The following CNTN1 variants were observed in gnomAD, a reference collection of about 807,000 sequenced individuals.
CNTN1 encodes the protein contactin-1.
In CNTN1, 38 loss-of-function variants were observed where a neutral mutation model predicts 126.4. The observed-to-expected ratio is 0.30, with a 90% CI of 0.23 to 0.39. The LOEUF (loss-of-function observed/expected upper bound fraction) is 0.39, where lower values mean the gene tolerates loss of function less well. CNTN1 is among the 10% of genes least tolerant of loss of function. The pLI is 1.00. For missense variants in CNTN1, 1,009 were observed against 1,248.4 expected, an observed-to-expected ratio of 0.81 and a Z score of 2.89; for synonymous variants, 413 against 422.6, an observed-to-expected ratio of 0.98 and a Z score of 0.28.
chr12:40,968,118 G>A (rs998510082), intron 15 of CNTN1, among the ~76,000 whole-genome samples: 13 of 151,906 alleles, frequency 8.6e-5, no homozygotes, highest in African/African-American at 3.1e-4. Context: ...ATCACTAAAG[G>A]TCACAAAGCT....
chr12:41,051,967 TCTCTGTG>T (rs1949697473), intron 23 of CNTN1, among the ~76,000 whole-genome samples: 1 of 151,148 alleles, frequency 6.6e-6, no homozygotes, highest in South Asian at 2.1e-4. Flanking sequence ...AATAATCCAT[TCTCTGTG>T]AGCAGTGTAG....
At position 40,933,836 on chromosome 12, in the gene CNTN1, A is replaced by G; in HGVS notation, c.943A>G (p.Ile315Val). Reference protein sequence around the residue: ...EGIYECEAENIRGKDKHQARI... With the variant: ...EGIYECEAENVRGKDKHQARI... ...CATCTATGAATGTGAGGCTGAGAAC[A>G]TTAGAGGAAAGGATAAACATCAAGC... is the stretch of plus-strand genomic sequence containing the variant. Residue 315 changes from isoleucine (I) to valine (V), a missense_variant, in exon 9 of 24, where the codon ATT becomes GTT. Ile to Val is a conservative substitution (Grantham distance 29). Coordinates refer to ENST00000551295, the MANE Select transcript of CNTN1 (RefSeq NM_001843.4). 6.2e-7 allele frequency: 1 copy of G among 1,612,562 alleles called. No individual in the cohort carries two copies. The highest frequency in any genetic ancestry group is 8.5e-7 in the Non-Finnish European group (1 of 1,178,928).
intron 1 of CNTN1, among the ~76,000 whole-genome samples, chr12:40,880,524 AGG>A (rs2136695706): frequency 6.6e-6 from 1 of 152,170 alleles, no homozygotes; most frequent in South Asian, 2.1e-4. Context: ...AATGCTAGAA[AGG>A]AGAGATTTTA....
intron 23 of CNTN1, among the ~76,000 whole-genome samples, chr12:41,036,115 A>G (rs1001816151): frequency 6.6e-6 from 1 of 152,184 alleles, no homozygotes; most frequent in African/African-American, 2.4e-5. Flanking sequence ...TTTATAGGCT[A>G]CTGTAGGTTT....
intron 15 of CNTN1, among the ~76,000 whole-genome samples, chr12:40,965,983 ACACACCTCAT>A (rs1333626248): frequency 2.3e-4 from 34 of 148,790 alleles, no homozygotes; most frequent in African/African-American, 7.3e-4. Context: ...GTGTAAGTAT[ACACACCTCAT>A]CACACCACAC....
chr12:40,730,336 T>G (rs372991452), intron 1 of CNTN1, among the ~76,000 whole-genome samples: 59 of 152,324 alleles, frequency 3.9e-4, no homozygotes, highest in African/African-American at 1.4e-3. Flanking sequence ...AGGGCATACC[T>G]TGGAGATTCT....
chr12:40,739,232 C>A (rs1230485646), intron 1 of CNTN1, among the ~76,000 whole-genome samples: 1 of 151,984 alleles, frequency 6.6e-6, no homozygotes, highest in Non-Finnish European at 1.5e-5. Flanking sequence ...TAATGAAAAA[C>A]TGCATTTCAA....
intron 1 of CNTN1, among the ~76,000 whole-genome samples, chr12:40,739,564 T>G (rs532793209): frequency 1.8e-4 from 27 of 152,156 alleles, no homozygotes; most frequent in African/African-American, 6.5e-4. Context: ...AAATTCAAAC[T>G]TAACAGGGAG....
chr12:40,830,122 C>G (rs1941757392), intron 1 of CNTN1, among the ~76,000 whole-genome samples: 1 of 152,094 alleles, frequency 6.6e-6, no homozygotes, highest in Non-Finnish European at 1.5e-5. Context: ...TGTCTTCTTT[C>G]TAGTCTCAAC....
intron 1 of CNTN1, among the ~76,000 whole-genome samples, chr12:40,843,472 T>C (rs58321893): frequency 1.3e-5 from 2 of 152,182 alleles, no homozygotes; most frequent in African/African-American, 2.4e-5. Flanking sequence ...TCAGACTCCA[T>C]GGAAACAATA....
intron 1 of CNTN1, among the ~76,000 whole-genome samples, chr12:40,827,432 C>G (rs1226060087): frequency 6.6e-6 from 1 of 150,858 alleles, no homozygotes; most frequent in African/African-American, 2.4e-5. Context: ...TGGTAAAAAT[C>G]TCCATATTTT....
intron 23 of CNTN1, among the ~76,000 whole-genome samples, chr12:41,063,133 C>T (rs1279852697): frequency 6.6e-6 from 1 of 152,192 alleles, no homozygotes; most frequent in Non-Finnish European, 1.5e-5. Flanking sequence ...ACCTTGACTG[C>T]GTCCCAGTGG....
intron 14 of CNTN1, among the ~76,000 whole-genome samples, chr12:40,948,595 G>A (rs1010676660): frequency 5.9e-5 from 9 of 152,170 alleles, no homozygotes; most frequent in Middle Eastern, 3.4e-3. Context: ...CATACAAGTC[G>A]CTAGAGGCTA....
intron 1 of CNTN1, among the ~76,000 whole-genome samples, chr12:40,795,473 A>C (rs943646429): frequency 1.3e-5 from 2 of 151,868 alleles, no homozygotes; most frequent in Non-Finnish European, 2.9e-5. Context: ...GTATATGTGA[A>C]CCTATATAGA....
rs79014485 is a variant in CNTN1 at position 40,825,845 on chromosome 12, T to C, written c.-76-82512T>C. On this transcript the variant is annotated intron_variant, in intron 1 of 23. Coordinates refer to ENST00000551295, the MANE Select transcript of CNTN1 (RefSeq NM_001843.4). Reference sequence around the variant, plus strand: ...ATGATGACAATGATGATGATAATGATGAAATGCTGATGATGATGTGTGTAT... The same window carrying C: ...ATGATGACAATGATGATGATAATGACGAAATGCTGATGATGATGTGTGTAT... Among the ~76,000 whole-genome samples the C allele has an allele frequency of 9.4e-3, 1,363 of 145,340 alleles. 20 individuals carry two copies. Among genetic ancestry groups the C allele is most frequent in the African/African-American group, 0.033 (1,291 of 39,692 alleles).
intron 23 of CNTN1, among the ~76,000 whole-genome samples, chr12:41,037,164 T>C (rs937830745): frequency 3.9e-5 from 6 of 152,204 alleles, no homozygotes; most frequent in Non-Finnish European, 8.8e-5. Flanking sequence ...ATGTTATTAA[T>C]GATGGATTGG....
At position 41,070,231 on chromosome 12, in the gene CNTN1, T is replaced by C; in HGVS notation, c.*196T>C. Reference sequence around the variant, plus strand: ...CCCCTTCATCCAAAAGAATAAACTTTTAAATGGATATAAATGATTTTTAAC... The same window carrying C: ...CCCCTTCATCCAAAAGAATAAACTTCTAAATGGATATAAATGATTTTTAAC... On this transcript the variant is annotated 3_prime_UTR_variant, in exon 24 of 24. Transcript: ENST00000551295. 1.6e-6 allele frequency: 1 copy of C among 615,430 alleles called. No homozygotes were observed. Among genetic ancestry groups the C allele is most frequent in the East Asian group, 2.8e-5 (1 of 35,596 alleles). 38.1% of individuals were successfully genotyped at this position (615,430 alleles called of 1,614,324 possible).
At chr12:40,922,922 G>C (rs541090840) in intron 5 of CNTN1, among the ~76,000 whole-genome samples, 37 of 142,016 alleles carry the variant, frequency 2.6e-4, no homozygotes, top group South Asian at 2.3e-4. Context: ...AGTAAGCCGA[G>C]ATTGTGCCAC....
At chr12:41,015,642 A>G (rs189173995) in intron 18 of CNTN1, among the ~76,000 whole-genome samples, 22 of 152,214 alleles carry the variant, frequency 1.4e-4, no homozygotes, top group Admixed American at 3.3e-4. Flanking sequence ...CTTCCTATTT[A>G]ATATAAGTAT....
Sources: allele counts gnomAD v4.1 joint callset (sites outside exome capture counted in the v4.1 genomes callset), GRCh38; gene constraint gnomAD v4.1.1; transcripts MANE v1.5; gene names NCBI Gene and HGNC (gene_info 2026-07-23, HGNC 2026-07-21).